Variants in CNTNAP5 observed in about 807,000 individuals in gnomAD.
CNTNAP5 encodes contactin associated protein family member 5, also known as contactin-associated protein-like 5.
Under a neutral mutation model 150.2 loss-of-function variants are expected in CNTNAP5, and 72 were observed. That is an observed-to-expected ratio of 0.48 (90% CI 0.40 to 0.58). The LOEUF is 0.58. Ranked by LOEUF, CNTNAP5 falls within the 20% of genes least tolerant of loss-of-function variation. CNTNAP5 has a pLI of 0.00. For missense variants in CNTNAP5, 1,636 were observed against 1,626.2 expected (o/e 1.01, Z -0.10); for synonymous variants, 672 against 619.8 (o/e 1.08, Z -1.25).
chr2:124,371,766 G>A (rs1459119942), intron 3 of CNTNAP5, among the ~76,000 whole-genome samples: 1 of 151,822 alleles, frequency 6.6e-6, no homozygotes, highest in East Asian at 2.0e-4. Context: ...CTTAGCCAAT[G>A]GGTAGGGAAG....
intron 11 of CNTNAP5, among the ~76,000 whole-genome samples, chr2:124,565,203 G>C (rs1165391702): frequency 6.6e-6 from 1 of 152,156 alleles, no homozygotes; most frequent in Admixed American, 6.5e-5. Flanking sequence ...CTAGTCCACT[G>C]GTCATCAGGG....
intron 19 of CNTNAP5, among the ~76,000 whole-genome samples, chr2:124,813,686 T>C (rs1379445811): frequency 1.3e-5 from 2 of 151,656 alleles, no homozygotes; most frequent in Non-Finnish European, 2.9e-5. Context: ...ATTTTTTCTT[T>C]TTTCAGGGAA....
rs199663968 is a variant in CNTNAP5, at chr2:124,529,054, C to CT, written c.1649+1601dup. Among the ~76,000 whole-genome samples, 106 of 147,436 alleles carry CT rather than the reference C, an allele frequency of 7.2e-4. 1 individual carries two copies. Among genetic ancestry groups the CT allele is most frequent in the African/African-American group, 1.3e-3 (53 of 40,460 alleles). On this transcript the variant is annotated intron_variant, in intron 10 of 23. Coordinates refer to ENST00000682447, the MANE Select transcript of CNTNAP5 (RefSeq NM_001367498.1). ...TCATGCAGATTTTCTGGCTCTTCTG[C>CT]TTTGTTTTTTTTTTTTTTCTATTTG...
chr2:124,867,450 C>T (rs781052108), intron 20 of CNTNAP5, among the ~76,000 whole-genome samples: 6 of 152,196 alleles, frequency 3.9e-5, no homozygotes, highest in African/African-American at 7.2e-5. Context: ...TTGTGCTTAC[C>T]TGGCAAAATC....
chr2:124,304,183 G>C (rs997483294), intron 3 of CNTNAP5, among the ~76,000 whole-genome samples: 6 of 152,086 alleles, frequency 3.9e-5, no homozygotes, highest in Non-Finnish European at 8.8e-5. Context: ...TTGGCAACAA[G>C]GATAATTGAA....
At chr2:124,700,474 T>C (rs1353836128) in intron 13 of CNTNAP5, among the ~76,000 whole-genome samples, 1 of 152,138 alleles carries the variant, frequency 6.6e-6, no homozygotes, top group Non-Finnish European at 1.5e-5. Context: ...ACATTTTTAT[T>C]AGGAGTACTT....
chr2:124,868,026 T>C (rs1447593353), intron 20 of CNTNAP5, among the ~76,000 whole-genome samples: 1 of 152,180 alleles, frequency 6.6e-6, no homozygotes, highest in Non-Finnish European at 1.5e-5. Context: ...CTCCTTCTCT[T>C]ACATGCAGCA....
At chr2:124,475,201 GAAACAAGAA>G (rs1157022078) in intron 7 of CNTNAP5, among the ~76,000 whole-genome samples, 1 of 151,872 alleles carries the variant, frequency 6.6e-6, no homozygotes, top group Non-Finnish European at 1.5e-5. Context: ...TCTGGAATAT[GAAACAAGAA>G]AACCACATAT....
intron 19 of CNTNAP5, among the ~76,000 whole-genome samples, chr2:124,807,477 G>A (rs1025714108): frequency 1.3e-5 from 2 of 152,144 alleles, no homozygotes; most frequent in East Asian, 1.9e-4. Flanking sequence ...CATAGTTTTC[G>A]TAGTTTGCAA....
rs367937965 is a variant in CNTNAP5 at position 124,527,444 on chromosome 2, G to T, written c.1637G>T (p.Ser546Ile). The T allele has an allele frequency of 6.2e-7, 1 of 1,612,224 alleles. No homozygotes were observed. Among genetic ancestry groups the T allele is most frequent in the South Asian group, 1.1e-5 (1 of 90,878 alleles). ...NFSDLHIDLC[S>I]IKDRCLPNYC... ...AGTGATTTACACATTGATCTGTGTA[G>T]CATCAAAGACAGGTAATTATTGTCT... Residue 546 changes from serine to isoleucine, a missense_variant, in exon 10 of 24, where the codon AGC becomes ATC. Coordinates refer to ENST00000682447, the MANE Select transcript of CNTNAP5 (RefSeq NM_001367498.1).
At chr2:124,032,364 G>A (rs575797759) in intron 1 of CNTNAP5, among the ~76,000 whole-genome samples, 17 of 152,202 alleles carry the variant, frequency 1.1e-4, no homozygotes, top group African/African-American at 3.9e-4. Flanking sequence ...TATTTTTAAA[G>A]CTATGGAGAT....
chr2:124,570,309 G>A (rs1696122402), intron 11 of CNTNAP5, among the ~76,000 whole-genome samples: 4 of 152,196 alleles, frequency 2.6e-5, no homozygotes, highest in Admixed American at 2.6e-4. Context: ...AGAGATTTGA[G>A]GGATGAGAAA....
intron 11 of CNTNAP5, among the ~76,000 whole-genome samples, chr2:124,605,809 C>CAAAAAAAAAAAAAAAA: frequency 2.9e-5 from 1 of 34,418 alleles, no homozygotes; most frequent in South Asian, 1.2e-3. Flanking sequence ...AAGACTCTGT[C>CAAAAAAAAAAAAAAAA]AAAAAAAAAA....
chr2:124,171,859 T>G (rs1473486778), intron 1 of CNTNAP5, among the ~76,000 whole-genome samples: 2 of 152,222 alleles, frequency 1.3e-5, no homozygotes, highest in African/African-American at 2.4e-5. Context: ...CTCACTTAGA[T>G]GTAAGCCAGT....
chr2:124,048,163 A>G (rs1681590159), intron 1 of CNTNAP5, among the ~76,000 whole-genome samples: 1 of 152,238 alleles, frequency 6.6e-6, no homozygotes, highest in South Asian at 2.1e-4. Flanking sequence ...CCTTGAAGCT[A>G]GAGACACTTG....
At chr2:124,580,174 T>A (rs1021623023) in intron 11 of CNTNAP5, among the ~76,000 whole-genome samples, 21 of 152,308 alleles carry the variant, frequency 1.4e-4, no homozygotes, top group African/African-American at 4.6e-4. Context: ...ATGGTGACAA[T>A]GACATCAATG....
chr2:124,894,090 G>A (rs942559217), intron 21 of CNTNAP5, among the ~76,000 whole-genome samples: 4 of 151,986 alleles, frequency 2.6e-5, no homozygotes, highest in African/African-American at 9.7e-5. Flanking sequence ...ACTGACTGTT[G>A]GTTGCCTACC....
rs143861732 is a variant in CNTNAP5 at position 124,280,765 on chromosome 2, T to TAA, written c.381+38381_381+38382dup. Reference sequence around the variant, plus strand: ...ATCTTGTTACATGACCCCAGTTCTCTAAAAAAAAAATACATTTATTTTGTC... The same window carrying TAA: ...ATCTTGTTACATGACCCCAGTTCTCTAAAAAAAAAAAATACATTTATTTTGTC... On this transcript the variant is annotated intron_variant, in intron 3 of 23. Coordinates refer to ENST00000682447, the MANE Select transcript of CNTNAP5 (RefSeq NM_001367498.1). 2.3e-3 allele frequency among the ~76,000 whole-genome samples: 344 copies of TAA among 148,942 alleles called. 2 individuals carry two copies. The highest frequency in any genetic ancestry group is 7.9e-3 in the African/African-American group (320 of 40,756).
intron 13 of CNTNAP5, among the ~76,000 whole-genome samples, chr2:124,691,399 A>C (rs186875963): frequency 8.9e-4 from 135 of 152,126 alleles, no homozygotes; most frequent in African/African-American, 3.0e-3. Flanking sequence ...GTCTGCCTTG[A>C]GGAAGAGGGA....
Sources: allele counts gnomAD v4.1 joint callset (sites outside exome capture counted in the v4.1 genomes callset), GRCh38; gene constraint gnomAD v4.1.1; transcripts MANE v1.5; gene names NCBI Gene and HGNC (gene_info 2026-07-23, HGNC 2026-07-21).